Variants in IGSF5 observed in about 807,000 individuals in gnomAD.
IGSF5 encodes the protein immunoglobulin superfamily 5 like.
A neutral mutation model predicts 39.4 loss-of-function variants in IGSF5; 41 were observed. That is an observed-to-expected ratio of 1.04 (90% confidence interval 0.81 to 1.35). The LOEUF (loss-of-function observed/expected upper bound fraction) is 1.35. IGSF5 is among the 40% of genes most tolerant of loss of function. IGSF5 has a pLI of 0.00. For synonymous variants in IGSF5, 183 were observed against 175.3 expected (o/e 1.04, Z -0.34); for missense variants, 487 against 494.6 (o/e 0.98, Z 0.15).
chr21:39,770,093 T>C (rs1226126599), intron 3 of IGSF5, among the ~76,000 whole-genome samples: 1 of 152,214 alleles, frequency 6.6e-6, no homozygotes, highest in African/African-American at 2.4e-5. Context: ...CTTTCCATTA[T>C]GTTGTGTAGT....
chr21:39,753,564 T>C (rs976156935), intron 2 of IGSF5, among the ~76,000 whole-genome samples: 2 of 152,238 alleles, frequency 1.3e-5, no homozygotes, highest in Non-Finnish European at 2.9e-5. Context: ...TCTAGTGTTA[T>C]CACTGGGGTA....
intron 2 of IGSF5, among the ~76,000 whole-genome samples, chr21:39,760,800 G>C (rs1240545219): frequency 1.3e-5 from 2 of 152,132 alleles, no homozygotes; most frequent in Non-Finnish European, 2.9e-5. Flanking sequence ...TCGATCTCTT[G>C]ACCTCATGAT....
chr21:39,723,208 C>T, the IGSF5 span, among the ~76,000 whole-genome samples: 3 of 152,152 alleles, frequency 2.0e-5, no homozygotes. Context: ...AAGGATAGGA[C>T]TTTGAAGCTC....
intron 5 of IGSF5, among the ~76,000 whole-genome samples, chr21:39,785,953 A>C (rs1240868289): frequency 6.6e-6 from 1 of 152,198 alleles, no homozygotes; most frequent in Non-Finnish European, 1.5e-5. Context: ...CACAAAAATC[A>C]ATTCAAGATG....
chr21:39,782,133 G>A (rs1439137305), intron 5 of IGSF5, among the ~76,000 whole-genome samples: 1 of 152,156 alleles, frequency 6.6e-6, no homozygotes, highest in Non-Finnish European at 1.5e-5. Flanking sequence ...ATCAAACACT[G>A]ATTTCCATAT....
At chr21:39,762,785 C>T (rs1033413163) in intron 2 of IGSF5, among the ~76,000 whole-genome samples, 2 of 152,090 alleles carry the variant, frequency 1.3e-5, no homozygotes, top group African/African-American at 4.8e-5. Flanking sequence ...CAATGAAACC[C>T]CTCTGATGAG....
chr21:39,785,533 G>A (rs927073066), intron 5 of IGSF5, among the ~76,000 whole-genome samples: 2 of 152,090 alleles, frequency 1.3e-5, no homozygotes, highest in African/African-American at 2.4e-5. Context: ...TTGATTTGGC[G>A]ATGTGGGCTC....
chr21:39,778,303 A>C (rs1366814716), intron 4 of IGSF5, among the ~76,000 whole-genome samples: 2 of 152,088 alleles, frequency 1.3e-5, no homozygotes, highest in Non-Finnish European at 2.9e-5. Context: ...AATTAACTTA[A>C]ATTTGAATTT....
intron 4 of IGSF5, among the ~76,000 whole-genome samples, chr21:39,778,170 TC>T (rs1333781290): frequency 6.6e-6 from 1 of 152,188 alleles, no homozygotes; most frequent in Non-Finnish European, 1.5e-5. Flanking sequence ...CTTGGGAACA[TC>T]AATGTAGTTC....
At chr21:39,769,223 C>G (rs1339363825) in intron 3 of IGSF5, among the ~76,000 whole-genome samples, 2 of 152,164 alleles carry the variant, frequency 1.3e-5, no homozygotes, top group Non-Finnish European at 2.9e-5. Flanking sequence ...TGCCTGTAAT[C>G]CCAGCATTTT....
rs1260604180 is a variant in IGSF5, at chr21:39,801,706, TTTA to T, written c.*354_*356del. On this transcript the variant is annotated 3_prime_UTR_variant, in exon 9 of 9. Coordinates refer to ENST00000380588, the MANE Select transcript of IGSF5 (RefSeq NM_001080444.2). The stretch of plus-strand genomic sequence containing the variant: ...TATTCTACCATGCCTTTCAAAAGTT[TTTA>T]TTATCTGAAAGCATATGAAGATGAT... 1 of 176,826 alleles carries T rather than the reference TTTA, an allele frequency of 5.7e-6. No individual in the cohort carries two copies. The highest frequency in any genetic ancestry group is 1.2e-5 in the Non-Finnish European group (1 of 83,292). The allele number at this position is 176,826 out of a possible 1,614,324, so 11.0% of individuals were successfully genotyped here.
chr21:39,788,168 ATTTCG>A lies in IGSF5; in HGVS notation c.938_942del (p.Phe313TyrfsTer8), dbSNP rs754024637. 1.3e-6 allele frequency: 2 copies of A among 1,592,864 alleles called. No individual in the cohort carries two copies. Among genetic ancestry groups the A allele is most frequent in the South Asian group, 2.3e-5 (2 of 88,390 alleles). ...ATGTAATTTTGTTCTTTTTTGCAGG[ATTTCG>A]TATTCAATTTCAAAAGTAAGTTTGA... On this transcript the variant is annotated frameshift_variant and splice_region_variant, in exon 6 of 9. Coordinates refer to ENST00000380588, the MANE Select transcript of IGSF5 (RefSeq NM_001080444.2). LOFTEE classifies it high-confidence loss of function.
At chr21:39,741,870 T>G (rs2079950099), upstream of IGSF5, among the ~76,000 whole-genome samples, 1 of 152,134 alleles carries the variant, frequency 6.6e-6, no homozygotes, top group African/African-American at 2.4e-5. Context: ...AAAAACAGCC[T>G]CATTGATAAT....
upstream of IGSF5, among the ~76,000 whole-genome samples, chr21:39,745,019 T>A (rs1174656881): frequency 2.0e-5 from 3 of 152,174 alleles, no homozygotes; most frequent in African/African-American, 7.2e-5. Context: ...AATTATGGGT[T>A]TCAAATTTAC....
the IGSF5 span, among the ~76,000 whole-genome samples, chr21:39,719,583 A>C: frequency 6.6e-6 from 1 of 152,110 alleles, no homozygotes. Flanking sequence ...ATAATTGATC[A>C]GCAGTAATTG....
Position 39,792,136 on chromosome 21 carries a change from AAG to A in IGSF5, c.1048+44_1048+45del. The A allele has an allele frequency of 2.8e-6, 4 of 1,419,996 alleles. 1 individual carries two copies. Among genetic ancestry groups the A allele is most frequent in the Non-Finnish European group, 3.9e-6 (4 of 1,017,526 alleles). The allele number at this position is 1,419,996 out of a possible 1,614,324, so 88.0% of individuals were successfully genotyped here. A position where few individuals can be genotyped will look rare whatever the true frequency, so the allele number is the denominator to read the frequency against. ...AGAGGGGTGGTGAAAAGACCTGGGAAAGAGAGAGCTGGAAGAAGGGCTGGCTT... is the reference window on the plus strand; with the variant it reads ...AGAGGGGTGGTGAAAAGACCTGGGAAAGAGAGCTGGAAGAAGGGCTGGCTT... On this transcript the variant is annotated intron_variant, in intron 7 of 8. Transcript: ENST00000380588.
At chr21:39,736,571 G>C in the IGSF5 span, among the ~76,000 whole-genome samples, 4 of 152,012 alleles carry the variant, frequency 2.6e-5, no homozygotes, top group East Asian at 7.7e-4. Context: ...AAAAAAAAAA[G>C]CTGCATTTCC....
intron 3 of IGSF5, among the ~76,000 whole-genome samples, chr21:39,769,566 G>C (rs902538863): frequency 1.3e-5 from 2 of 150,336 alleles, no homozygotes; most frequent in African/African-American, 4.9e-5. Context: ...ACTCCTCACT[G>C]TTCCAACTAC....
At chr21:39,780,687 A>G (rs2080165635) in intron 5 of IGSF5, among the ~76,000 whole-genome samples, 1 of 152,232 alleles carries the variant, frequency 6.6e-6, no homozygotes, top group Non-Finnish European at 1.5e-5. Context: ...ATACTCCCAC[A>G]TCGTATGAAA....
Sources: gnomAD v4.1 joint callset for allele counts (sites outside exome capture counted in the v4.1 genomes callset) on GRCh38, gnomAD v4.1.1 for gene constraint, MANE v1.5 for transcripts, NCBI Gene and HGNC (gene_info 2026-07-23, HGNC 2026-07-21) for gene names.